ZNF385B: variants seen among roughly 807,000 people sequenced by gnomAD.
ZNF385B encodes zinc finger protein 385B, also known as zinc finger protein 533.
A neutral mutation model predicts 39.2 loss-of-function variants in ZNF385B; 23 were observed. That is an observed-to-expected ratio of 0.59 (90% confidence interval 0.42 to 0.83). ZNF385B has a LOEUF of 0.83. Among genes scored for constraint, ZNF385B ranks in the 40% least tolerant of loss-of-function variants. The pLI, the probability that ZNF385B is intolerant of heterozygous loss-of-function variation, is 0.00. For synonymous variants in ZNF385B, 205 were observed against 222.6 expected (o/e 0.92, Z 0.70); for missense variants, 552 against 598.9 (o/e 0.92, Z 0.82).
At chr2:179,604,925 A>G (rs1688679848) in intron 3 of ZNF385B, among the ~76,000 whole-genome samples, 1 of 152,130 alleles carries the variant, frequency 6.6e-6, no homozygotes, top group Non-Finnish European at 1.5e-5. Flanking sequence ...TTTCTTTTCA[A>G]GCAAGGTACA....
intron 1 of ZNF385B, among the ~76,000 whole-genome samples, chr2:179,791,379 T>C (rs1165794041): frequency 5.3e-5 from 8 of 152,230 alleles, no homozygotes; most frequent in African/African-American, 1.9e-4. Flanking sequence ...CTGAGAGCTA[T>C]ACTGACATCC....
intron 3 of ZNF385B, among the ~76,000 whole-genome samples, chr2:179,737,599 A>C (rs138478587): frequency 1.6e-4 from 24 of 152,300 alleles, no homozygotes; most frequent in African/African-American, 5.5e-4. Flanking sequence ...ACAACAGCTG[A>C]ATTTATTGAG....
At chr2:179,543,088 A>G (rs1477014482) in intron 4 of ZNF385B, among the ~76,000 whole-genome samples, 1 of 152,144 alleles carries the variant, frequency 6.6e-6, no homozygotes, top group African/African-American at 2.4e-5. Context: ...CCTGGCCAAC[A>G]TGGCGAAACC....
chr2:179,772,817 A>G (rs1704088385), intron 1 of ZNF385B, among the ~76,000 whole-genome samples: 1 of 152,238 alleles, frequency 6.6e-6, no homozygotes, highest in Non-Finnish European at 1.5e-5. Context: ...TTTTAAACAG[A>G]GCAGTGGGCA....
At chr2:179,722,490 G>A (rs1468168063) in intron 3 of ZNF385B, among the ~76,000 whole-genome samples, 2 of 152,050 alleles carry the variant, frequency 1.3e-5, no homozygotes, top group Admixed American at 6.6e-5. Context: ...AGCCAGAGGG[G>A]AAGAAGAAAC....
intron 3 of ZNF385B, among the ~76,000 whole-genome samples, chr2:179,645,922 C>T (rs929125842): frequency 2.6e-5 from 4 of 152,154 alleles, no homozygotes; most frequent in Non-Finnish European, 5.9e-5. Flanking sequence ...AGGTTTTCAT[C>T]TGATGATGAG....
chr2:179,570,536 T>C (rs1479260263), intron 3 of ZNF385B, among the ~76,000 whole-genome samples: 1 of 152,128 alleles, frequency 6.6e-6, no homozygotes, highest in Admixed American at 6.6e-5. Flanking sequence ...CTTTTTTAGA[T>C]TTGGAAGGGG....
intron 6 of ZNF385B, among the ~76,000 whole-genome samples, chr2:179,454,148 G>A (rs1219482367): frequency 1.3e-5 from 2 of 152,210 alleles, no homozygotes; most frequent in Admixed American, 1.3e-4. Flanking sequence ...CAATGTCTTT[G>A]AGGAATGAGA....
In ZNF385B at chr2:179,861,589, C is replaced by A. The variant is rs1685074495; in HGVS notation, c.-643G>T. Reference sequence around the variant, plus strand: ...ACACAGAGAGGGAATGAGGCGGAACCGTTCGGGGGCTCGTTGACACTGCAG... The same window carrying A: ...ACACAGAGAGGGAATGAGGCGGAACAGTTCGGGGGCTCGTTGACACTGCAG... On this transcript the variant is annotated 5_prime_UTR_variant, in exon 1 of 10. Transcript: ENST00000410066. 1 of 152,346 alleles carries A rather than the reference C, an allele frequency of 6.6e-6. No individual in the cohort carries two copies. Among genetic ancestry groups the A allele is most frequent in the African/African-American group, 2.4e-5 (1 of 41,586 alleles). The allele number at this position is 152,346 out of a possible 1,614,324, so 9.4% of individuals were successfully genotyped here.
At chr2:179,719,717 T>C (rs1174718968) in intron 3 of ZNF385B, among the ~76,000 whole-genome samples, 4 of 152,204 alleles carry the variant, frequency 2.6e-5, no homozygotes, top group African/African-American at 4.8e-5. Flanking sequence ...CTTCAATAGA[T>C]GTTCTTGCAG....
chr2:179,760,121 A>T (rs1703280359), intron 3 of ZNF385B, among the ~76,000 whole-genome samples: 1 of 151,672 alleles, frequency 6.6e-6, no homozygotes. Context: ...TGATCTCAAA[A>T]TTTTTTAAAG....
chr2:179,523,821 C>T (rs912421580), intron 4 of ZNF385B, among the ~76,000 whole-genome samples: 1 of 152,062 alleles, frequency 6.6e-6, no homozygotes, highest in Non-Finnish European at 1.5e-5. Context: ...TTCTCAGAGA[C>T]TTATTGTGTT....
intron 3 of ZNF385B, among the ~76,000 whole-genome samples, chr2:179,636,823 A>C (rs1447811658): frequency 6.6e-6 from 1 of 152,156 alleles, no homozygotes; most frequent in Non-Finnish European, 1.5e-5. Context: ...ACACACACAG[A>C]AGCCAAGCAC....
At chr2:179,701,042 CA>C (rs1331311573) in intron 3 of ZNF385B, among the ~76,000 whole-genome samples, 2 of 152,050 alleles carry the variant, frequency 1.3e-5, no homozygotes, top group East Asian at 3.9e-4. Flanking sequence ...AAAAACAAAA[CA>C]AAAAAACACT....
intron 3 of ZNF385B, among the ~76,000 whole-genome samples, chr2:179,592,282 G>GT (rs1231826785): frequency 2.0e-5 from 3 of 151,330 alleles, no homozygotes; most frequent in Non-Finnish European, 2.9e-5. Context: ...AAGTCTATTT[G>GT]GAAAAAAAAA....
chr2:179,828,059 A>C (rs1346222637), intron 1 of ZNF385B, among the ~76,000 whole-genome samples: 1 of 152,168 alleles, frequency 6.6e-6, no homozygotes, highest in Admixed American at 6.6e-5. Flanking sequence ...TTATGAATAT[A>C]TCATTTTATG....
At position 179,549,770 on chromosome 2, in the gene ZNF385B, G is replaced by A. The variant is rs184391503; in HGVS notation, c.299-4801C>T. Among the ~76,000 whole-genome samples the A allele has an allele frequency of 3.3e-5, 5 of 149,726 alleles. No individual in the cohort carries two copies. In the East Asian group the frequency reaches 9.7e-4, roughly 29 times the overall value. On this transcript the variant is annotated intron_variant, in intron 3 of 9. Coordinates refer to ENST00000410066, the MANE Select transcript of ZNF385B (RefSeq NM_152520.6). ...CAGAAGAGAAAAAAGAGAGAAGGGT[G>A]CCTGAAGCATTTATCTGTAATGGCA...
At chr2:179,561,765 C>G (rs2061351997) in intron 3 of ZNF385B, among the ~76,000 whole-genome samples, 1 of 152,108 alleles carries the variant, frequency 6.6e-6, no homozygotes, top group Admixed American at 6.6e-5. Flanking sequence ...ACAATACTCC[C>G]TCTTGAGGAG....
intron 3 of ZNF385B, among the ~76,000 whole-genome samples, chr2:179,701,238 A>G (rs1699177761): frequency 6.6e-6 from 1 of 152,212 alleles, no homozygotes; most frequent in South Asian, 2.1e-4. Context: ...TCACCCAGTG[A>G]TGAATATAAA....
Sources: gnomAD v4.1 joint callset for allele counts (sites outside exome capture counted in the v4.1 genomes callset) on GRCh38, gnomAD v4.1.1 for gene constraint, MANE v1.5 for transcripts, NCBI Gene and HGNC (gene_info 2026-07-23, HGNC 2026-07-21) for gene names.